NKAIN3: variants seen among roughly 807,000 people sequenced by gnomAD.
The protein encoded by NKAIN3 is sodium/potassium transporting ATPase interacting 3, also known as sodium/potassium-transporting ATPase subunit beta-1-interacting protein 3.
In NKAIN3, 25 loss-of-function variants were observed where a neutral mutation model predicts 30.2. The observed-to-expected ratio is 0.83, with a 90% confidence interval of 0.60 to 1.16. The LOEUF is 1.16. NKAIN3 is among the 50% of genes most tolerant of loss of function. The probability of loss-of-function intolerance (pLI) is 0.00; values close to 1 mark genes in which losing one functional copy is unlikely to be tolerated. For synonymous variants in NKAIN3, 91 were observed against 89.6 expected (o/e 1.02, Z -0.09); for missense variants, 225 against 254.1 (o/e 0.89, Z 0.78).
intron 5 of NKAIN3, among the ~76,000 whole-genome samples, chr8:62,941,262 A>T (rs138927554): frequency 1.1e-3 from 160 of 152,162 alleles, no homozygotes; most frequent in Middle Eastern, 6.8e-3. Context: ...TAATTTTTTT[A>T]AAAAATTACC....
chr8:62,912,684 C>T (rs887343996), intron 4 of NKAIN3, among the ~76,000 whole-genome samples: 1 of 151,916 alleles, frequency 6.6e-6, no homozygotes, highest in South Asian at 2.1e-4. Context: ...CTGAGGAGGA[C>T]GGATCACCTG....
chr8:62,801,261 G>A (rs1269176015), intron 4 of NKAIN3, among the ~76,000 whole-genome samples: 1 of 152,198 alleles, frequency 6.6e-6, no homozygotes, highest in Admixed American at 6.5e-5. Flanking sequence ...TTTGAAGAGA[G>A]CAGTGGTTCT....
At chr8:62,902,897 T>A (rs1452228965) in intron 4 of NKAIN3, among the ~76,000 whole-genome samples, 1 of 152,204 alleles carries the variant, frequency 6.6e-6, no homozygotes, top group Admixed American at 6.5e-5. Context: ...CTTAATGACT[T>A]GCTACCAGAA....
At chr8:62,987,845 C>T (rs1467008229), downstream of NKAIN3, among the ~76,000 whole-genome samples, 2 of 152,168 alleles carry the variant, frequency 1.3e-5, no homozygotes, top group East Asian at 1.9e-4. Context: ...ACAGCATTAA[C>T]ACAAAATCCC....
intron 3 of NKAIN3, among the ~76,000 whole-genome samples, chr8:62,690,249 C>T (rs1431398226): frequency 6.6e-6 from 1 of 152,094 alleles, no homozygotes; most frequent in Non-Finnish European, 1.5e-5. Context: ...TGAGGTTTCT[C>T]CCAACCGGGC....
At chr8:62,802,313 G>A (rs60234310) in intron 4 of NKAIN3, among the ~76,000 whole-genome samples, 31,380 of 151,994 alleles carry the variant, frequency 0.21, 3,855 homozygotes, top group African/African-American at 0.33. Context: ...AAGACACGTA[G>A]TTGTCAGATT....
intron 4 of NKAIN3, among the ~76,000 whole-genome samples, chr8:62,844,703 A>T (rs1563589482): frequency 6.6e-6 from 1 of 152,156 alleles, no homozygotes; most frequent in Non-Finnish European, 1.5e-5. Context: ...ATTTAATGTG[A>T]TCTGCCTGAA....
intron 3 of NKAIN3, among the ~76,000 whole-genome samples, chr8:62,597,494 G>T (rs1360766651): frequency 6.6e-6 from 1 of 151,884 alleles, no homozygotes; most frequent in Non-Finnish European, 1.5e-5. Context: ...TGTTAATAGG[G>T]TTTGTCTTTT....
intron 1 of NKAIN3, among the ~76,000 whole-genome samples, chr8:62,488,088 C>T (rs1806956332): frequency 6.6e-6 from 1 of 152,168 alleles, no homozygotes; most frequent in African/African-American, 2.4e-5. Context: ...CATCTTTAAA[C>T]TGAAGTTTTA....
chr8:62,294,151 T>C (rs1813750670), intron 1 of NKAIN3, among the ~76,000 whole-genome samples: 1 of 152,140 alleles, frequency 6.6e-6, no homozygotes, highest in Non-Finnish European at 1.5e-5. Flanking sequence ...TTCTCTTTGG[T>C]AGGAAGGAAT....
chr8:62,268,651 C>T (rs536319396), intron 1 of NKAIN3, among the ~76,000 whole-genome samples: 168 of 152,184 alleles, frequency 1.1e-3, no homozygotes, highest in Non-Finnish European at 2.2e-3. Flanking sequence ...GTAAAGCTTC[C>T]CTCCACACAG....
chr8:62,401,504 T>C (rs1803872759), intron 1 of NKAIN3, among the ~76,000 whole-genome samples: 1 of 152,210 alleles, frequency 6.6e-6, no homozygotes, highest in Non-Finnish European at 1.5e-5. Flanking sequence ...TTTATCATTA[T>C]CGAGGCATTG....
intron 4 of NKAIN3, among the ~76,000 whole-genome samples, chr8:62,878,277 A>G (rs1015728414): frequency 6.6e-6 from 1 of 152,132 alleles, no homozygotes; most frequent in African/African-American, 2.4e-5. Context: ...CAAAATCCCA[A>G]TGAAGACCAT....
chr8:62,549,685 T>C (rs1310467074), intron 1 of NKAIN3, among the ~76,000 whole-genome samples: 1 of 152,024 alleles, frequency 6.6e-6, no homozygotes, highest in Non-Finnish European at 1.5e-5. Flanking sequence ...CTTTCTCCCA[T>C]TCTTTTCCCT....
At position 62,971,869 on chromosome 8, in the gene NKAIN3, T is replaced by C. The variant is rs1023496163; in HGVS notation, c.*6462T>C. On this transcript the variant is annotated 3_prime_UTR_variant, in exon 7 of 7. Transcript: ENST00000623646. ...GAATTTCTGCCTCATCTTGTTTCCT[T>C]ATCTTGTCTTTGTGGTTAGAAAGAA... 4.6e-5 allele frequency among the ~76,000 whole-genome samples: 7 copies of C among 152,214 alleles called. No individual in the cohort carries two copies. The South Asian group carries it at 8.3e-4, about 18-fold the overall frequency.
chr8:62,541,388 A>T (rs577029977), intron 1 of NKAIN3, among the ~76,000 whole-genome samples: 110 of 152,288 alleles, frequency 7.2e-4, no homozygotes, highest in South Asian at 6.2e-4. Flanking sequence ...TTCTGATTTC[A>T]AACTACCTGT....
chr8:62,800,921 C>T (rs1030775381), intron 4 of NKAIN3, among the ~76,000 whole-genome samples: 39 of 152,342 alleles, frequency 2.6e-4, no homozygotes, highest in African/African-American at 7.2e-4. Flanking sequence ...CCTAATACTG[C>T]GCTTTTCCAA....
At chr8:62,251,755 C>G (rs532370947) in intron 1 of NKAIN3, among the ~76,000 whole-genome samples, 1 of 152,018 alleles carries the variant, frequency 6.6e-6, no homozygotes, top group Admixed American at 6.6e-5. Context: ...AGTAAGCAAC[C>G]GCTGATTTGT....
intron 4 of NKAIN3, among the ~76,000 whole-genome samples, chr8:62,869,141 G>A (rs1820511833): frequency 6.6e-6 from 1 of 152,186 alleles, no homozygotes; most frequent in African/African-American, 2.4e-5. Flanking sequence ...AAAGGCATTT[G>A]TAACTTTTTT....
Sources: allele counts gnomAD v4.1 joint callset (sites outside exome capture counted in the v4.1 genomes callset), GRCh38; gene constraint gnomAD v4.1.1; transcripts MANE v1.5; gene names NCBI Gene and HGNC (gene_info 2026-07-23, HGNC 2026-07-21).